Variants in ZDHHC15 observed in about 807,000 individuals in gnomAD.
ZDHHC15 encodes zDHHC palmitoyltransferase 15.
A neutral mutation model predicts 31.7 loss-of-function variants in ZDHHC15; 19 were observed. The observed-to-expected ratio is 0.60, with a 90% CI of 0.42 to 0.88. ZDHHC15 has a LOEUF of 0.88. Among genes scored for constraint, ZDHHC15 ranks in the 40% least tolerant of loss-of-function variants. The pLI, the probability that ZDHHC15 is intolerant of heterozygous loss-of-function variation, is 0.00. For synonymous variants in ZDHHC15, 103 were observed against 90.0 expected (o/e 1.14, Z -0.82); for missense variants, 209 against 251.2 (o/e 0.83, Z 1.14).
intron 3 of ZDHHC15, among the ~76,000 whole-genome samples, chrX:75,451,224 T>C (rs2084111624): frequency 8.9e-6 from 1 of 111,974 alleles, no homozygotes; most frequent in African/African-American, 3.2e-5. Context: ...ACTCAATTCA[T>C]CTGATTTCAA....
intron 3 of ZDHHC15, among the ~76,000 whole-genome samples, chrX:75,460,210 T>C (rs2084290234): frequency 1.8e-5 from 2 of 111,440 alleles, no homozygotes; most frequent in African/African-American, 6.5e-5. Flanking sequence ...AACCCATTTC[T>C]CCTCACTGGG....
intron 7 of ZDHHC15, among the ~76,000 whole-genome samples, chrX:75,425,870 A>G (rs2083708058): frequency 1.8e-5 from 2 of 111,145 alleles, no homozygotes; most frequent in Non-Finnish European, 1.9e-5. Context: ...GTATGGAAAT[A>G]TTGGGAATCT....
rs754528752 is a variant in ZDHHC15, at chrX:75,429,027, G to C, written c.603+51C>G. 30 of 1,187,939 alleles carry C rather than the reference G, an allele frequency of 2.5e-5. No individual in the cohort carries two copies. The East Asian group carries it at 9.0e-4, about 36-fold the overall frequency. ...AGAGGGTGAACAATGTCACAAGTTGGAGTGGGTGTGCATTTGTTCTAGGGG... is the reference window on the plus strand; with the variant it reads ...AGAGGGTGAACAATGTCACAAGTTGCAGTGGGTGTGCATTTGTTCTAGGGG... On this transcript the variant is annotated intron_variant, in intron 7 of 11. Coordinates refer to ENST00000373367, the MANE Select transcript of ZDHHC15 (RefSeq NM_144969.3).
intron 3 of ZDHHC15, among the ~76,000 whole-genome samples, chrX:75,461,543 T>C (rs2084315623): frequency 9.0e-6 from 1 of 111,582 alleles, no homozygotes; most frequent in Non-Finnish European, 1.9e-5. Context: ...AAAGGCCACA[T>C]TACCTACAAA....
intron 3 of ZDHHC15, among the ~76,000 whole-genome samples, chrX:75,458,470 T>C (rs188601833): frequency 1.2e-3 from 130 of 112,004 alleles, no homozygotes; most frequent in African/African-American, 3.8e-3. Context: ...ATGTTATACT[T>C]CAATAAAATT....
chrX:75,421,754 A>G (rs1602598430), intron 9 of ZDHHC15, 110 bp downstream of exon 9: 1 of 830,163 alleles, frequency 1.2e-6, no homozygotes, highest in Non-Finnish European at 1.6e-6. Flanking sequence ...AACTTGGGGA[A>G]TAGAGTTTCA....
chrX:75,416,672 C>A (rs777764432), intron 10 of ZDHHC15, among the ~76,000 whole-genome samples: 21 of 111,293 alleles, frequency 1.9e-4, no homozygotes, highest in African/African-American at 5.2e-4. Flanking sequence ...TGTATTGAAA[C>A]CATTCTAAAA....
At chrX:75,459,392 C>T (rs1031591001) in intron 3 of ZDHHC15, among the ~76,000 whole-genome samples, 2 of 111,935 alleles carry the variant, frequency 1.8e-5, no homozygotes, top group African/African-American at 6.5e-5. Context: ...AGGCTGAAGT[C>T]TGCCTGAGAT....
At chrX:75,491,352 C>T (rs1192365927) in intron 2 of ZDHHC15, among the ~76,000 whole-genome samples, 175 of 107,847 alleles carry the variant, frequency 1.6e-3, no homozygotes, top group African/African-American at 5.7e-3. Flanking sequence ...TGGAAATCAT[C>T]ATTCTCAGTA....
chrX:75,478,302 A>G (rs1040644220), intron 3 of ZDHHC15, among the ~76,000 whole-genome samples: 3 of 111,865 alleles, frequency 2.7e-5, no homozygotes, highest in African/African-American at 9.7e-5. Flanking sequence ...TAGTAGTTTC[A>G]TAGAATTGAA....
intron 9 of ZDHHC15, 89 bp from the exon 10 acceptor site, chrX:75,417,279 T>G (rs1332985631): frequency 6.9e-5 from 39 of 567,319 alleles, no homozygotes; most frequent in Non-Finnish European, 1.0e-4. Flanking sequence ...AGGGGGGTTC[T>G]TAGCCATATT....
rs1306744817 is a variant in ZDHHC15, at chrX:75,510,732, C to T, written c.137-4885G>A. Among the ~76,000 whole-genome samples the T allele has an allele frequency of 5.3e-5, 4 of 75,511 alleles. 1 individual carries two copies. The highest frequency in any genetic ancestry group is 1.0e-3 in the East Asian group (2 of 1,962). The allele number at this position is 75,511 out of a possible 115,157, so 65.6% of individuals were successfully genotyped here. ...CCAATGCTATCCCTCCCCCATCCCCCGACCCCACCACAGTCCCCAGAGTGT... is the reference window on the plus strand; with the variant it reads ...CCAATGCTATCCCTCCCCCATCCCCTGACCCCACCACAGTCCCCAGAGTGT... On this transcript the variant is annotated intron_variant, in intron 1 of 11. Coordinates refer to ENST00000373367, the MANE Select transcript of ZDHHC15 (RefSeq NM_144969.3).
chrX:75,493,083 C>G (rs1264246489), intron 2 of ZDHHC15, among the ~76,000 whole-genome samples: 1 of 111,493 alleles, frequency 9.0e-6, no homozygotes, highest in South Asian at 3.8e-4. Flanking sequence ...AGATACAATA[C>G]AAAATGATAA....
Position 75,513,878 on chromosome X carries a change from C to CAAA in ZDHHC15, c.137-8034_137-8032dup, listed in dbSNP as rs201148072. Among the ~76,000 whole-genome samples the CAAA allele has an allele frequency of 5.2e-3, 535 of 103,112 alleles. 1 individual carries two copies. The East Asian group carries it at 0.056, about 11-fold the overall frequency. 89.5% of individuals were successfully genotyped at this position (103,112 alleles called of 115,157 possible). A position where few individuals can be genotyped will look rare whatever the true frequency, so the allele number is the denominator to read the frequency against. ...GCAGGAAAATTGACTTTTTACATAA[C>CAAA]AAAAAAAAAACAATAAGACTAACAG... On this transcript the variant is annotated intron_variant, in intron 1 of 11. Coordinates refer to ENST00000373367, the MANE Select transcript of ZDHHC15 (RefSeq NM_144969.3).
At chrX:75,442,423 TCTC>T (rs2083955787) in intron 4 of ZDHHC15, among the ~76,000 whole-genome samples, 1 of 111,560 alleles carries the variant, frequency 9.0e-6, no homozygotes, top group Admixed American at 9.5e-5. Flanking sequence ...CAGCCCAAAA[TCTC>T]CTTAAGCTGA....
intron 2 of ZDHHC15, among the ~76,000 whole-genome samples, chrX:75,480,621 A>G (rs1191553796): frequency 1.8e-5 from 2 of 111,071 alleles, no homozygotes; most frequent in Non-Finnish European, 3.8e-5. Flanking sequence ...GATTTTATAC[A>G]TATAAAATCA....
intron 10 of ZDHHC15, among the ~76,000 whole-genome samples, chrX:75,404,609 A>C (rs1302896511): frequency 8.9e-6 from 1 of 112,140 alleles, no homozygotes; most frequent in Admixed American, 9.5e-5. Context: ...TACATGCAGC[A>C]AACAAACATA....
intron 10 of ZDHHC15, among the ~76,000 whole-genome samples, chrX:75,387,201 A>C (rs970421791): frequency 8.9e-6 from 1 of 112,325 alleles, no homozygotes; most frequent in Non-Finnish European, 1.9e-5. Context: ...AATGAATAAA[A>C]ACCAAAACAA....
chrX:75,490,379 A>G (rs1293980354), intron 2 of ZDHHC15, among the ~76,000 whole-genome samples: 1 of 112,147 alleles, frequency 8.9e-6, no homozygotes, highest in African/African-American at 3.2e-5. Context: ...CCATCAGACT[A>G]ACAGATGATC....
Sources: allele counts gnomAD v4.1 joint callset (sites outside exome capture counted in the v4.1 genomes callset), GRCh38; gene constraint gnomAD v4.1.1; transcripts MANE v1.5; gene names NCBI Gene and HGNC (gene_info 2026-07-23, HGNC 2026-07-21).